SF3B3: variants seen among roughly 807,000 people sequenced by gnomAD.
The protein encoded by SF3B3 is SAP 130.
Under a neutral mutation model 139.2 loss-of-function variants are expected in SF3B3, and 33 were observed. That is an observed-to-expected ratio of 0.24 (90% CI 0.18 to 0.32). The LOEUF (loss-of-function observed/expected upper bound fraction) is 0.32. Among genes scored for constraint, SF3B3 ranks in the 10% least tolerant of loss-of-function variants. The probability of loss-of-function intolerance (pLI) is 1.00; values close to 1 mark genes in which losing one functional copy is unlikely to be tolerated. For synonymous variants in SF3B3, 596 were observed against 563.6 expected, an observed-to-expected ratio of 1.06 and a Z score of -0.81; for missense variants, 818 against 1,509.4, an observed-to-expected ratio of 0.54 and a Z score of 7.59.
rs201341614 is a variant in SF3B3 at position 70,575,174 on chromosome 16, T to TC, written c.*3362dup. ...AACCAAGAGTTGTTTCTCTTTTTTTTCTTTTTCTTTTTCTTTTTTTTCTTT... is the reference window on the plus strand; with the variant it reads ...AACCAAGAGTTGTTTCTCTTTTTTTTCCTTTTTCTTTTTCTTTTTTTTCTTT... On this transcript the variant is annotated 3_prime_UTR_variant, in exon 26 of 26. Transcript: ENST00000302516. The TC allele has an allele frequency of 6.6e-6, 1 of 150,730 alleles. No individual in the cohort carries two copies. The highest frequency in any genetic ancestry group is 1.5e-5 in the Non-Finnish European group (1 of 68,058). 9.3% of individuals were successfully genotyped at this position (150,730 alleles called of 1,614,324 possible). A position where few individuals can be genotyped will look rare whatever the true frequency, so the allele number is the denominator to read the frequency against.
rs2050330538 is a variant in SF3B3, at chr16:70,551,869, A to G, written c.1403-2577A>G. ...TTAATCTGCAGTCACTCTAGTACAT[A>G]AGAATTAACCTGCTGCAAGTCCTCT... On this transcript the variant is annotated intron_variant, in intron 11 of 25. Transcript: ENST00000302516. Among the ~76,000 whole-genome samples, 3 of 152,246 alleles carry G rather than the reference A, an allele frequency of 2.0e-5. No individual in the cohort carries two copies. In the South Asian group the frequency reaches 6.2e-4, roughly 32 times the overall value.
At chr16:70,556,819 C>T (rs948374227) in intron 14 of SF3B3, 67 bp from the exon 15 acceptor site, 6 of 1,567,570 alleles carry the variant, frequency 3.8e-6, no homozygotes, top group Non-Finnish European at 5.3e-6. Flanking sequence ...AATTAGATTT[C>T]TCTGGGTATG....
chr16:70,536,896 G>A (rs986378653), intron 6 of SF3B3, among the ~76,000 whole-genome samples: 2 of 143,816 alleles, frequency 1.4e-5, no homozygotes, highest in African/African-American at 5.2e-5. Flanking sequence ...CTGCATCCTT[G>A]ACCTCCCAGT....
intron 5 of SF3B3, among the ~76,000 whole-genome samples, chr16:70,533,959 T>C (rs1245654325): frequency 6.6e-6 from 1 of 152,228 alleles, no homozygotes; most frequent in Non-Finnish European, 1.5e-5. Context: ...CTGCTGGATC[T>C]TGGGACTTCA....
chr16:70,564,083 A>C, intron 18 of SF3B3, 33 bp downstream of exon 18: 1 of 1,599,196 alleles, frequency 6.3e-7, no homozygotes, highest in Non-Finnish European at 8.5e-7. Flanking sequence ...GTTCTATTAA[A>C]AGATGTGTGA....
At chr16:70,550,864 G>A (rs183847860) in intron 11 of SF3B3, among the ~76,000 whole-genome samples, 264 of 152,298 alleles carry the variant, frequency 1.7e-3, no homozygotes, top group African/African-American at 6.3e-3. Context: ...GCAGGAGTCT[G>A]CCTCTCTACT....
In SF3B3 at chr16:70,556,992, G is replaced by T; in HGVS notation, c.1973G>T (p.Gly658Val). The change falls in exon 15 of 26, where the codon GGC becomes GTC. Residue 658 changes from glycine to valine, a missense_variant. Physicochemically the swap from Gly to Val is moderately radical, Grantham distance 109. This residue lies in a region of SF3B3 where 170 missense variants were observed against 353.0 expected (regional missense o/e 0.48). Transcript: ENST00000302516. The part of the protein sequence containing the change: ...TEKQDELGER[G>V]SIGFLYLNIG... ...AAGCAGGATGAGCTGGGTGAGAGGG[G>T]CTCGATTGGCTTCCTATACCTGAAT... 6.2e-7 allele frequency: 1 copy of T among 1,613,642 alleles called. No individual in the cohort carries two copies. The highest frequency in any genetic ancestry group is 1.1e-5 in the South Asian group (1 of 90,984).
intron 6 of SF3B3, among the ~76,000 whole-genome samples, chr16:70,537,603 C>A (rs556095588): frequency 6.6e-6 from 1 of 152,250 alleles, no homozygotes; most frequent in African/African-American, 2.4e-5. Context: ...TTTAGAAAAC[C>A]TTAGAAGAAA....
At chr16:70,538,899 C>G (rs2050193318) in intron 7 of SF3B3, among the ~76,000 whole-genome samples, 1 of 152,182 alleles carries the variant, frequency 6.6e-6, no homozygotes, top group Non-Finnish European at 1.5e-5. Flanking sequence ...TACGTAGTCT[C>G]CGTCTCAATT....
chr16:70,531,854 T>C (rs920626592), intron 4 of SF3B3, among the ~76,000 whole-genome samples: 3 of 152,272 alleles, frequency 2.0e-5, no homozygotes, highest in African/African-American at 7.2e-5. Context: ...AATTTGGAGA[T>C]TGCAGTTCTC....
In SF3B3 at chr16:70,530,794, A is replaced by G; in HGVS notation, c.447A>G (p.Ala149=). The G allele has an allele frequency of 6.2e-7, 1 of 1,614,198 alleles. No individual in the cohort carries two copies. Among genetic ancestry groups the G allele is most frequent in the South Asian group, 1.1e-5 (1 of 91,078 alleles). ...TGTATATTTTGAACAGAGATGCTGCAGCCCGACTTACCATTTCATCTCCCC... is the reference window on the plus strand; with the variant it reads ...TGTATATTTTGAACAGAGATGCTGCGGCCCGACTTACCATTTCATCTCCCC... ...KLVYILNRDA[A]ARLTISSPLE... Residue 149 remains alanine (A), a synonymous_variant, in exon 4 of 26, where the codon GCA becomes GCG. Coordinates refer to ENST00000302516, the MANE Select transcript of SF3B3 (RefSeq NM_012426.5).
chr16:70,526,872 G>T (rs1384150320), intron 2 of SF3B3, 146 bp downstream of exon 2: 1 of 628,076 alleles, frequency 1.6e-6, no homozygotes, highest in Admixed American at 2.8e-5. Context: ...GAGGTGTTAA[G>T]TTCTGGTGCA....
chr16:70,569,855 G>A, intron 23 of SF3B3, 151 bp from the exon 24 acceptor site: 1 of 806,144 alleles, frequency 1.2e-6, no homozygotes, highest in Non-Finnish European at 1.9e-6. Context: ...TTGAAATCCT[G>A]GGCTCAAGCA....
intron 15 of SF3B3, among the ~76,000 whole-genome samples, chr16:70,557,457 AGATAGTGTCAG>A (rs2050389408): frequency 6.6e-6 from 1 of 152,246 alleles, no homozygotes; most frequent in South Asian, 2.1e-4. Context: ...TTTAACGCTA[AGATAGTGTCAG>A]GATTCTTGAT....
In SF3B3 at chr16:70,572,377, G is replaced by A; in HGVS notation, c.*564G>A. The A allele has an allele frequency of 4.4e-6, 1 of 229,142 alleles. No homozygotes were observed. Among genetic ancestry groups the A allele is most frequent in the South Asian group, 5.0e-5 (1 of 20,100 alleles). The allele number at this position is 229,142 out of a possible 1,614,324, so 14.2% of individuals were successfully genotyped here. On this transcript the variant is annotated 3_prime_UTR_variant, in exon 26 of 26. Transcript: ENST00000302516. ...CCCAAGTTAGAGCAGGAAGAACTGA[G>A]TAGACTCCTTCCTTCCAGATACCGA...
intron 15 of SF3B3, chr16:70,560,256 T>G: frequency 2.7e-6 from 1 of 367,348 alleles, no homozygotes. Context: ...AGTGTGTATT[T>G]ACTTAGTAGA....
chr16:70,567,896 A>G (rs1343284661), intron 21 of SF3B3, among the ~76,000 whole-genome samples: 1 of 152,146 alleles, frequency 6.6e-6, no homozygotes, highest in African/African-American at 2.4e-5. Context: ...CATGTTGGCC[A>G]GGCTAGTCTC....
intron 15 of SF3B3, among the ~76,000 whole-genome samples, chr16:70,558,285 C>A (rs202089375): frequency 7.4e-6 from 1 of 135,038 alleles, no homozygotes. Flanking sequence ...TTTTTTTTTT[C>A]TTTAAAAAAA....
At chr16:70,553,610 T>C (rs1195267006) in intron 11 of SF3B3, among the ~76,000 whole-genome samples, 1 of 152,192 alleles carries the variant, frequency 6.6e-6, no homozygotes, top group Admixed American at 6.5e-5. Context: ...CCAAACGTAC[T>C]GGATGGGGAC....
Sources: gnomAD v4.1 joint callset for allele counts (sites outside exome capture counted in the v4.1 genomes callset) on GRCh38, gnomAD v4.1.1 for gene constraint, gnomAD v4.1.1 regional missense constraint, MANE v1.5 for transcripts, NCBI Gene and HGNC (gene_info 2026-07-23, HGNC 2026-07-21) for gene names.